Variants in MUC6 observed in about 807,000 individuals in gnomAD.
MUC6 encodes mucin-6.
Under a neutral mutation model 201.5 loss-of-function variants are expected in MUC6, and 188 were observed. The ratio of observed to expected loss-of-function variants is 0.93; its 90% CI spans 0.83 to 1.05. The LOEUF (loss-of-function observed/expected upper bound fraction) is 1.05, where lower values mean the gene tolerates loss of function less well. Ranked by LOEUF, MUC6 falls within the 50% of genes least tolerant of loss-of-function variation. The probability of loss-of-function intolerance (pLI) is 0.00; values close to 1 mark genes in which losing one functional copy is unlikely to be tolerated. For missense variants in MUC6, 2,706 were observed against 3,256.9 expected, an observed-to-expected ratio of 0.83 and a Z score of 4.12; for synonymous variants, 1,228 against 1,389.4, an observed-to-expected ratio of 0.88 and a Z score of 2.58.
chr11:1,025,962 G>A (rs1184038042), intron 21 of MUC6, 38 bp downstream of exon 21: 1 of 1,592,248 alleles, frequency 6.3e-7, no homozygotes, highest in South Asian at 1.1e-5. Context: ...CCGTGCCTCT[G>A]GGTCCCCGGC....
At chr11:1,032,453 T>G (rs1357084898) in intron 2 of MUC6, among the ~76,000 whole-genome samples, 1 of 151,116 alleles carries the variant, frequency 6.6e-6, no homozygotes, top group African/African-American at 2.4e-5. Context: ...TGCATGCACA[T>G]GTGTGTTTGT....
chr11:1,013,429 G>T lies in MUC6; in HGVS notation c.*27C>A. The T allele has an allele frequency of 6.4e-7, 1 of 1,551,158 alleles. No individual in the cohort carries two copies. Among genetic ancestry groups the T allele is most frequent in the Non-Finnish European group, 8.7e-7 (1 of 1,148,218 alleles). On this transcript the variant is annotated 3_prime_UTR_variant, in exon 33 of 33. Transcript: ENST00000421673. ...CCTGTCTGTCATCTGCAGTCCTTCA[G>T]CCCCAGGAGAGCAGGCAGCGACCCT... is the stretch of plus-strand genomic sequence containing the variant.
At chr11:1,035,752 T>C (rs1265808006) in intron 1 of MUC6, among the ~76,000 whole-genome samples, 2 of 152,070 alleles carry the variant, frequency 1.3e-5, no homozygotes, top group African/African-American at 2.4e-5. Flanking sequence ...GGGCGAGCTC[T>C]GTCACGCCAG....
chr11:1,027,727 C>T lies in MUC6; in HGVS notation c.1939G>A (p.Gly647Ser), dbSNP rs1856999877. The part of the protein sequence containing the change: ...GDYVHACSLR[G>S]VLLWGWRSSV... ...CTTCTCCAGCCCCAGAGCAGGACGC[C>T]CCGCAAGGAGCAGGCGTGTACGTAG... The change falls in exon 16 of 33, where the codon GGC becomes AGC. Residue 647 changes from glycine to serine, a missense_variant. Gly to Ser is a moderately conservative substitution (Grantham distance 56, BLOSUM62 0). Around this residue, in one of 10 missense-constraint regions of MUC6, gnomAD observed 1,850 missense variants for 1,958.3 expected, o/e 0.94. Transcript: ENST00000421673. 1.2e-6 allele frequency: 2 copies of T among 1,607,176 alleles called. No individual in the cohort carries two copies. The highest frequency in any genetic ancestry group is 1.7e-6 in the Non-Finnish European group (2 of 1,177,568).
rs536933302 is a variant in MUC6 at position 1,013,087 on chromosome 11, C to T, written c.*369G>A. On this transcript the variant is annotated 3_prime_UTR_variant, in exon 33 of 33. Coordinates refer to ENST00000421673, the MANE Select transcript of MUC6 (RefSeq NM_005961.3). ...CTCGCCCCTGATGGGTCTGGTCGAG[C>T]GCCTGCTCTGTGGCTTCATCTGCAG... 9.8e-4 allele frequency: 263 copies of T among 268,868 alleles called. No homozygotes were observed. Among genetic ancestry groups the T allele is most frequent in the South Asian group, 2.7e-3 (32 of 11,918 alleles). 16.7% of individuals were successfully genotyped at this position (268,868 alleles called of 1,614,324 possible). A position where few individuals can be genotyped will look rare whatever the true frequency, so the allele number is the denominator to read the frequency against.
At position 1,016,428 on chromosome 11, in the gene MUC6, T is replaced by C. The variant is rs1406789990; in HGVS notation, c.6373A>G (p.Asn2125Asp). 1.2e-5 allele frequency: 19 copies of C among 1,613,728 alleles called. No homozygotes were observed. The highest frequency in any genetic ancestry group is 1.5e-5 in the Non-Finnish European group (18 of 1,179,834). Residue 2125 changes from asparagine (N) to aspartate (D), a missense_variant, in exon 31 of 33, where the codon AAT becomes GAT. Around this residue, in one of 10 missense-constraint regions of MUC6, gnomAD observed 586 missense variants for 488.0 expected, o/e 1.20. Coordinates refer to ENST00000421673, the MANE Select transcript of MUC6 (RefSeq NM_005961.3). Reference protein sequence around the residue: ...SSATTPVSTTNQLSSSFSPSP... With the variant: ...SSATTPVSTTDQLSSSFSPSP... ...GGAGAAAATGAGGAGGACAGCTGAT[T>C]AGTTGTGGAAACAGGAGTGGTTGCA...
At chr11:1,020,543 T>G in intron 28 of MUC6, 141 bp downstream of exon 28, 3 of 1,306,774 alleles carry the variant, frequency 2.3e-6, no homozygotes, top group Non-Finnish European at 3.3e-6. Flanking sequence ...TCCCCAACTC[T>G]GATTGCCAGG....
chr11:1,013,763 G>A lies in MUC6; in HGVS notation c.7143-130C>T, dbSNP rs570735994. 7.4e-5 allele frequency: 102 copies of A among 1,386,776 alleles called. 1 individual carries two copies. The Admixed American group carries it at 1.3e-3, about 18-fold the overall frequency. 85.9% of individuals were successfully genotyped at this position (1,386,776 alleles called of 1,614,324 possible). The stretch of plus-strand genomic sequence containing the variant: ...GCTCCCGGCTCACAGGGGCCAGGGC[G>A]GTGTTGGGCAGATGGAGCGCAGAGT... On this transcript the variant is annotated intron_variant, in intron 32 of 32. Transcript: ENST00000421673.
At chr11:1,025,458 C>G in intron 22 of MUC6, 91 bp from the exon 23 acceptor site, 2 of 1,443,946 alleles carry the variant, frequency 1.4e-6, no homozygotes, top group Non-Finnish European at 1.9e-6. Flanking sequence ...GACAGAGCTG[C>G]CCAGGTCTGT....
At chr11:1,019,221 T>C in intron 30 of MUC6, 54 bp downstream of exon 30, 1 of 1,550,746 alleles carries the variant, frequency 6.4e-7, no homozygotes, top group Non-Finnish European at 8.9e-7. Flanking sequence ...TGTGAGCTGG[T>C]GGTGGGACCG....
chr11:1,025,457 G>A (rs542791760), intron 22 of MUC6, 90 bp from the exon 23 acceptor site: 3 of 1,458,486 alleles, frequency 2.1e-6, no homozygotes, highest in Admixed American at 1.8e-5. Context: ...AGACAGAGCT[G>A]CCCAGGTCTG....
chr11:1,019,910 T>C, intron 29 of MUC6, 180 bp downstream of exon 29: 3 of 846,000 alleles, frequency 3.5e-6, no homozygotes, highest in Admixed American at 2.2e-5. Flanking sequence ...CCAGCTTGTC[T>C]TTAAAAGTTT....
Position 1,030,936 on chromosome 11 carries a change from C to T in MUC6, c.684+11G>A, listed in dbSNP as rs201660015. ...CCTGGGGTCAGCCCCACCTGGAGCC[C>T]CCTTGCTTACGTGCTGGGCCTGCCG... On this transcript the variant is annotated intron_variant, in intron 6 of 32. Coordinates refer to ENST00000421673, the MANE Select transcript of MUC6 (RefSeq NM_005961.3). The T allele has an allele frequency of 3.2e-4, 497 of 1,560,144 alleles. 4 individuals carry two copies. In the African/African-American group the frequency reaches 6.1e-3, roughly 19 times the overall value.
At position 1,019,473 on chromosome 11, in the gene MUC6, C is replaced by T. The variant is rs776231978; in HGVS notation, c.3832G>A (p.Val1278Ile). 3.0e-5 allele frequency: 49 copies of T among 1,613,270 alleles called. No individual in the cohort carries two copies. Among genetic ancestry groups the T allele is most frequent in the African/African-American group, 1.2e-4 (9 of 74,708 alleles). ...SGEPPRPTTA[V>I]TPQATSGLPP... ...AGCCCTGATGTGGCTTGTGGGGTGACGGCCGTGGTTGGTCTAGGTGGTTCT... is the reference window on the plus strand; with the variant it reads ...AGCCCTGATGTGGCTTGTGGGGTGATGGCCGTGGTTGGTCTAGGTGGTTCT... The change falls in exon 30 of 33, where the codon GTC becomes ATC. Residue 1278 changes from valine to isoleucine, a missense_variant. Around this residue, in one of 10 missense-constraint regions of MUC6, gnomAD observed 1,850 missense variants for 1,958.3 expected, o/e 0.94. Transcript: ENST00000421673.
Position 1,013,152 on chromosome 11 carries a change from T to G in MUC6, c.*304A>C. On this transcript the variant is annotated 3_prime_UTR_variant, in exon 33 of 33. Transcript: ENST00000421673. ...CAGGGCTGGGGCCAAGTTCAGGGGC[T>G]GGGAGGTGTTGGACGGTGGGCAGGG... is the stretch of plus-strand genomic sequence containing the variant. The G allele has an allele frequency of 2.3e-6, 1 of 436,620 alleles. No individual in the cohort carries two copies. Among genetic ancestry groups the G allele is most frequent in the South Asian group, 3.9e-5 (1 of 25,420 alleles). 27.0% of individuals were successfully genotyped at this position (436,620 alleles called of 1,614,324 possible). A position where few individuals can be genotyped will look rare whatever the true frequency, so the allele number is the denominator to read the frequency against.
chr11:1,015,728 A>T, intron 31 of MUC6, 34 bp downstream of exon 31: 5 of 1,516,396 alleles, frequency 3.3e-6, no homozygotes, highest in Non-Finnish European at 4.4e-6. Flanking sequence ...CACAGAGGTG[A>T]GGCCAGGAGA....
intron 26 of MUC6, among the ~76,000 whole-genome samples, chr11:1,021,659 G>A (rs532170510): frequency 6.6e-6 from 1 of 151,940 alleles, no homozygotes; most frequent in East Asian, 1.9e-4. Flanking sequence ...TTTCACCCGC[G>A]CACCTTGCTC....
chr11:1,029,725 C>G, intron 8 of MUC6, 110 bp from the exon 9 acceptor site: 1 of 1,407,308 alleles, frequency 7.1e-7, no homozygotes, highest in Non-Finnish European at 9.4e-7. Context: ...GAGACGCCCC[C>G]TCCAGCCTGG....
intron 2 of MUC6, among the ~76,000 whole-genome samples, chr11:1,032,426 GGT>G (rs936879921): frequency 9.2e-5 from 14 of 151,904 alleles, no homozygotes; most frequent in Non-Finnish European, 1.5e-4. Context: ...ATGTGTGTTG[GGT>G]GTGTGTGATT....
Sources: gnomAD v4.1 joint callset for allele counts (sites outside exome capture counted in the v4.1 genomes callset) on GRCh38, gnomAD v4.1.1 for gene constraint, gnomAD v4.1.1 regional missense constraint, MANE v1.5 for transcripts, NCBI Gene and HGNC (gene_info 2026-07-23, HGNC 2026-07-21) for gene names.